Variants in FLT3 observed in about 807,000 individuals in gnomAD.
The protein encoded by FLT3 is receptor-type tyrosine-protein kinase FLT3.
Under a neutral mutation model 126.6 loss-of-function variants are expected in FLT3, and 46 were observed. The observed-to-expected ratio is 0.36, with a 90% confidence interval of 0.29 to 0.46. The LOEUF (loss-of-function observed/expected upper bound fraction) is 0.46. FLT3 is among the 20% of genes least tolerant of loss of function. The probability of loss-of-function intolerance (pLI) is 1.00; values close to 1 mark genes in which losing one functional copy is unlikely to be tolerated. For synonymous variants in FLT3, 404 were observed against 434.4 expected, an observed-to-expected ratio of 0.93 and a Z score of 0.87; for missense variants, 1,069 against 1,190.3, an observed-to-expected ratio of 0.90 and a Z score of 1.50.
At chr13:28,066,288 C>T (rs1877028300) in intron 2 of FLT3, among the ~76,000 whole-genome samples, 6 of 152,182 alleles carry the variant, frequency 3.9e-5, no homozygotes, top group Non-Finnish European at 8.8e-5. Context: ...TATTGTATTT[C>T]CAGGCTCTGC....
intron 23 of FLT3, among the ~76,000 whole-genome samples, chr13:28,006,224 C>T (rs1870877611): frequency 6.6e-6 from 1 of 152,030 alleles, no homozygotes; most frequent in Non-Finnish European, 1.5e-5. Context: ...TTGTTACTGT[C>T]TACTTCTTTT....
intron 9 of FLT3, among the ~76,000 whole-genome samples, chr13:28,044,030 CTCACCTCCACCGAGAGGAGAATCACTTAA>C (rs1874631997): frequency 6.7e-6 from 1 of 148,496 alleles, no homozygotes; most frequent in Non-Finnish European, 1.5e-5. Context: ...GAATCACTTA[CTCACCTCCACCGAGAGGAGAATCACTTAA>C]TCACCTCCGC....
chr13:28,035,965 G>A lies in FLT3; in HGVS notation c.1388C>T (p.Thr463Ile), dbSNP rs765715484. The A allele has an allele frequency of 6.2e-6, 10 of 1,613,986 alleles. No homozygotes were observed. The highest frequency in any genetic ancestry group is 2.2e-5 in the East Asian group (1 of 44,886). The change falls in exon 11 of 24, where the codon ACC becomes ATC. Residue 463 changes from threonine (T) to isoleucine (I), a missense_variant. Physicochemically the swap from Thr to Ile is moderately conservative, Grantham distance 89. Transcript: ENST00000241453. ...FSDGYPLPSW[T>I]WKKCSDKSPN... ...AGACTTGTCTGAACACTTCTTCCAG[G>A]TCCAAGATGGTAATGGGTATCCATC... is the stretch of plus-strand genomic sequence containing the variant.
At position 28,064,503 on chromosome 13, in the gene FLT3, C is replaced by T. The variant is rs968614691; in HGVS notation, c.166-2434G>A. 2.4e-4 allele frequency among the ~76,000 whole-genome samples: 37 copies of T among 151,740 alleles called. 2 individuals carry two copies. Among genetic ancestry groups the T allele is most frequent in the African/African-American group, 9.7e-5 (4 of 41,306 alleles). ...CAGAGAACTGCTTGAACCTGGGAGGCGGAGGCTGCAGTAAGCCAAGATGGC... is the reference window on the plus strand; with the variant it reads ...CAGAGAACTGCTTGAACCTGGGAGGTGGAGGCTGCAGTAAGCCAAGATGGC... On this transcript the variant is annotated intron_variant, in intron 2 of 23. Coordinates refer to ENST00000241453, the MANE Select transcript of FLT3 (RefSeq NM_004119.3).
intron 9 of FLT3, among the ~76,000 whole-genome samples, chr13:28,048,049 C>T (rs1281301366): frequency 6.6e-6 from 1 of 152,156 alleles, no homozygotes; most frequent in Admixed American, 6.6e-5. Flanking sequence ...CAGACTAATA[C>T]GGTTCTTTCT....
chr13:28,066,303 C>T (rs578150859), intron 2 of FLT3, among the ~76,000 whole-genome samples: 3 of 152,230 alleles, frequency 2.0e-5, no homozygotes, highest in African/African-American at 2.4e-5. Flanking sequence ...CTCTGCCTGC[C>T]GAGAGGGCCT....
intron 16 of FLT3, among the ~76,000 whole-genome samples, chr13:28,027,761 C>T (rs887832475): frequency 6.6e-6 from 1 of 152,174 alleles, no homozygotes; most frequent in Non-Finnish European, 1.5e-5. Flanking sequence ...CCAGAGAATT[C>T]TGGGAAAGTA....
At chr13:28,006,545 C>T (rs1870913403) in intron 23 of FLT3, among the ~76,000 whole-genome samples, 1 of 152,080 alleles carries the variant, frequency 6.6e-6, no homozygotes, top group Admixed American at 6.6e-5. Context: ...GTTTGTGTAG[C>T]ACAAATACCA....
Position 28,081,844 on chromosome 13 carries a change from C to CTTTTTTTT in FLT3, c.44-11240_44-11233dup, listed in dbSNP as rs35243277. On this transcript the variant is annotated intron_variant, in intron 1 of 23. Transcript: ENST00000241453. Reference sequence around the variant, plus strand: ...TTACTTTGATTTTTTTACTTTGATTCTTTTTTTTTTTTTTTTTTTTTTTTT... The same window carrying CTTTTTTTT: ...TTACTTTGATTTTTTTACTTTGATTCTTTTTTTTTTTTTTTTTTTTTTTTTTTTTTTTT... Among the ~76,000 whole-genome samples the CTTTTTTTT allele has an allele frequency of 5.7e-3, 368 of 65,008 alleles. 36 individuals carry two copies. Among genetic ancestry groups the CTTTTTTTT allele is most frequent in the East Asian group, 9.7e-3 (13 of 1,344 alleles). The allele number at this position is 65,008 out of a possible 152,430, so 42.6% of individuals were successfully genotyped here.
chr13:28,016,388 A>C (rs1421352035), intron 20 of FLT3, among the ~76,000 whole-genome samples: 1 of 152,004 alleles, frequency 6.6e-6, no homozygotes, highest in Non-Finnish European at 1.5e-5. Flanking sequence ...CTCCTGCCTC[A>C]GCCTCCCGAG....
At position 28,049,430 on chromosome 13, in the gene FLT3, A is replaced by G; in HGVS notation, c.990T>C (p.Cys330=). The G allele has an allele frequency of 6.2e-7, 1 of 1,614,122 alleles. No homozygotes were observed. Among genetic ancestry groups the G allele is most frequent in the Non-Finnish European group, 8.5e-7 (1 of 1,179,976 alleles). ...ATTGACTGGGATGCTTTGAAGAGGA[A>G]CAAGTGTAGTATCCGGTGTCGTTTC... ...VARNDTGYYT[C]SSSKHPSQSA... is the part of the protein sequence containing the mutation. The change falls in exon 8 of 24, where the codon TGT becomes TGC. Residue 330 remains cysteine (C), a synonymous_variant. Coordinates refer to ENST00000241453, the MANE Select transcript of FLT3 (RefSeq NM_004119.3).
chr13:28,061,853 A>T lies in FLT3; in HGVS notation c.368+14T>A. The T allele has an allele frequency of 6.3e-7, 1 of 1,598,888 alleles. No homozygotes were observed. Among genetic ancestry groups the T allele is most frequent in the Non-Finnish European group, 8.6e-7 (1 of 1,166,486 alleles). On this transcript the variant is annotated intron_variant, in intron 3 of 23. Transcript: ENST00000241453. ...GAACCACATTTTATGTCAAGAAGGT[A>T]TTCCTCCACTTACCTGTTTTGTAAA... is the stretch of plus-strand genomic sequence containing the variant.
At chr13:28,054,413 CAAA>C (rs755290405) in intron 4 of FLT3, among the ~76,000 whole-genome samples, 1 of 127,658 alleles carries the variant, frequency 7.8e-6, no homozygotes, top group African/African-American at 2.9e-5. Context: ...CAACACAACT[CAAA>C]AAAAAAAAAA....
At chr13:28,084,809 A>C (rs954655769) in intron 1 of FLT3, among the ~76,000 whole-genome samples, 1 of 151,844 alleles carries the variant, frequency 6.6e-6, no homozygotes, top group African/African-American at 2.4e-5. Flanking sequence ...CCCCGTCTAT[A>C]CTAAAAATAC....
chr13:28,035,775 T>A, intron 11 of FLT3, 102 bp from the exon 12 acceptor site: 1 of 1,319,064 alleles, frequency 7.6e-7, no homozygotes. Flanking sequence ...CCAGTATAAG[T>A]TATCAGAAAC....
Position 28,079,162 on chromosome 13 carries a change from A to G in FLT3, c.44-8550T>C, listed in dbSNP as rs551885656. The stretch of plus-strand genomic sequence containing the variant: ...AAATTTCTTCAGCCAGATACCCTAA[A>G]TCATCTTTCTCAAGTTCAAAGTTCC... On this transcript the variant is annotated intron_variant, in intron 1 of 23. Coordinates refer to ENST00000241453, the MANE Select transcript of FLT3 (RefSeq NM_004119.3). 3.9e-5 allele frequency among the ~76,000 whole-genome samples: 6 copies of G among 152,294 alleles called. No individual in the cohort carries two copies. In the South Asian group the frequency reaches 1.0e-3, roughly 26 times the overall value.
intron 9 of FLT3, among the ~76,000 whole-genome samples, chr13:28,046,794 C>T (rs938503342): frequency 7.2e-5 from 11 of 152,072 alleles, no homozygotes; most frequent in African/African-American, 2.7e-4. Flanking sequence ...TGGGATTTTG[C>T]CATGTTATCC....
chr13:28,048,496 C>T, intron 8 of FLT3, 53 bp from the exon 9 acceptor site: 3 of 1,185,078 alleles, frequency 2.5e-6, no homozygotes, highest in South Asian at 1.3e-5. Flanking sequence ...CATAGGGAAA[C>T]GTATTGAGAA....
At chr13:28,052,422 GA>G in intron 5 of FLT3, 122 bp downstream of exon 5, 33 of 1,047,356 alleles carry the variant, frequency 3.2e-5, no homozygotes, top group Non-Finnish European at 4.4e-5. Flanking sequence ...TTAACTTTAA[GA>G]AGCCAAAGTT....
Sources: gnomAD v4.1 joint callset for allele counts (sites outside exome capture counted in the v4.1 genomes callset) on GRCh38, gnomAD v4.1.1 for gene constraint, MANE v1.5 for transcripts, NCBI Gene and HGNC (gene_info 2026-07-23, HGNC 2026-07-21) for gene names.